Variants in CNP observed in about 807,000 individuals in gnomAD.
CNP encodes the protein 2',3'-cyclic nucleotide 3' phosphodiesterase, also known as 2',3'-cyclic-nucleotide 3'-phosphodiesterase.
Under a neutral mutation model 37.9 loss-of-function variants are expected in CNP, and 8 were observed. The ratio of observed to expected loss-of-function variants is 0.21; its 90% CI spans 0.12 to 0.38. The LOEUF (loss-of-function observed/expected upper bound fraction) is 0.38, where lower values mean the gene tolerates loss of function less well. Among genes scored for constraint, CNP ranks in the 10% least tolerant of loss-of-function variants. CNP has a pLI of 1.00. For synonymous variants in CNP, 237 were observed against 238.3 expected (o/e 0.99, Z 0.05); for missense variants, 457 against 551.0 (o/e 0.83, Z 1.71).
At position 41,973,612 on chromosome 17, in the gene CNP, A is replaced by G; in HGVS notation, c.954A>G (p.Ser318=). The G allele has an allele frequency of 6.2e-7, 1 of 1,614,136 alleles. No homozygotes were observed. Among genetic ancestry groups the G allele is most frequent in the African/African-American group, 1.3e-5 (1 of 75,054 alleles). The change falls in exon 4 of 4, where the codon TCA becomes TCG. Residue 318 remains serine, a synonymous_variant. Transcript: ENST00000393892. ...GGCCGAGTGATGTGGACAAGCTGTC[A>G]CCCACTGACAACCTGCCGCGGGGGA... The part of the protein sequence containing the change: ...QLWPSDVDKL[S]PTDNLPRGSR...
In CNP at chr17:41,975,748, T is replaced by C. The variant is rs1451294674; in HGVS notation, c.*1824T>C. Reference sequence around the variant, plus strand: ...AGATGAAGAGAAATCCTAAGTTACCTTTCTAGGTCAAGGCCTGTCCCTGGC... The same window carrying C: ...AGATGAAGAGAAATCCTAAGTTACCCTTCTAGGTCAAGGCCTGTCCCTGGC... On this transcript the variant is annotated 3_prime_UTR_variant, in exon 4 of 4. Coordinates refer to ENST00000393892, the MANE Select transcript of CNP (RefSeq NM_033133.5). 6.6e-6 allele frequency: 1 copy of C among 152,190 alleles called. No homozygotes were observed. The highest frequency in any genetic ancestry group is 6.5e-5 in the Admixed American group (1 of 15,284). 9.4% of individuals were successfully genotyped at this position (152,190 alleles called of 1,614,324 possible).
At position 41,977,105 on chromosome 17, in the gene CNP, C is replaced by T; in HGVS notation, c.*3181C>T. 1 of 798,854 alleles carries T rather than the reference C, an allele frequency of 1.3e-6. No homozygotes were observed. Among genetic ancestry groups the T allele is most frequent in the East Asian group, 2.7e-5 (1 of 37,346 alleles). 49.5% of individuals were successfully genotyped at this position (798,854 alleles called of 1,614,324 possible). The stretch of plus-strand genomic sequence containing the variant: ...GGGTGCCTGGGAACCTTCCTGTCTT[C>T]ATCCTTAGCAACAGCCGAGTGGATA... On this transcript the variant is annotated 3_prime_UTR_variant, in exon 4 of 4. Coordinates refer to ENST00000393892, the MANE Select transcript of CNP (RefSeq NM_033133.5).
rs1247105883 is a variant in CNP at position 41,975,650 on chromosome 17, C to T, written c.*1726C>T. 6.6e-6 allele frequency: 1 copy of T among 152,232 alleles called. No individual in the cohort carries two copies. Among genetic ancestry groups the T allele is most frequent in the Non-Finnish European group, 1.5e-5 (1 of 68,062 alleles). 9.4% of individuals were successfully genotyped at this position (152,232 alleles called of 1,614,324 possible). On this transcript the variant is annotated 3_prime_UTR_variant, in exon 4 of 4. Transcript: ENST00000393892. ...TCAGCCACATGGGAAACTTCCAAGA[C>T]CTGACTCAGGCATCATTCCACCATG...
In CNP at chr17:41,977,668, G is replaced by T; in HGVS notation, c.*3744G>T. 1 of 188,996 alleles carries T rather than the reference G, an allele frequency of 5.3e-6. No homozygotes were observed. Among genetic ancestry groups the T allele is most frequent in the Non-Finnish European group, 1.1e-5 (1 of 91,722 alleles). The allele number at this position is 188,996 out of a possible 1,614,324, so 11.7% of individuals were successfully genotyped here. ...CATACTCTGTCTCCCTATAATGCTG[G>T]AGCGGCTACTAAAAAGGATAAAATG... is the stretch of plus-strand genomic sequence containing the variant. On this transcript the variant is annotated 3_prime_UTR_variant, in exon 4 of 4. Transcript: ENST00000393892.
rs1555644905 is a variant in CNP, at chr17:41,976,786, G to C, written c.*2862G>C. On this transcript the variant is annotated 3_prime_UTR_variant, in exon 4 of 4. Transcript: ENST00000393892. ...GGACCAGATGCTGAAAGAGAAAAGAGGGGTTGGTAGTTGGCTATGGATTTT... is the reference window on the plus strand; with the variant it reads ...GGACCAGATGCTGAAAGAGAAAAGACGGGTTGGTAGTTGGCTATGGATTTT... 1.2e-6 allele frequency: 2 copies of C among 1,607,430 alleles called. No individual in the cohort carries two copies. The highest frequency in any genetic ancestry group is 1.8e-5 in the Admixed American group (1 of 56,768).
chr17:41,969,071 G>A (rs538030393), intron 2 of CNP, among the ~76,000 whole-genome samples: 1 of 152,242 alleles, frequency 6.6e-6, no homozygotes, highest in East Asian at 1.9e-4. Flanking sequence ...GTAGTAACAG[G>A]AAACATGTCC....
rs782096149 is a variant in CNP, at chr17:41,973,875, C to A, written c.1217C>A (p.Thr406Lys). Residue 406 changes from threonine to lysine, a missense_variant, in exon 4 of 4, where the codon ACG becomes AAG. Coordinates refer to ENST00000393892, the MANE Select transcript of CNP (RefSeq NM_033133.5). ...TACGGGAAAGGCAAACCTGTGCCCA[C>A]GCAAGGTAGCCGGAAGGGGGGCGCC... ...GYYGKGKPVP[T>K]QGSRKGGALQ... is the part of the protein sequence containing the mutation. The A allele has an allele frequency of 3.2e-6, 5 of 1,574,616 alleles. No homozygotes were observed. Among genetic ancestry groups the A allele is most frequent in the Non-Finnish European group, 4.3e-6 (5 of 1,158,590 alleles).
intron 2 of CNP, chr17:41,970,780 C>G (rs1380272124): frequency 6.6e-6 from 1 of 152,208 alleles, no homozygotes; most frequent in Non-Finnish European, 1.5e-5. Flanking sequence ...GCCTTCCTCC[C>G]CTGTGGAGGG....
In CNP at chr17:41,976,645, G is replaced by A. The variant is rs527995417; in HGVS notation, c.*2721G>A. On this transcript the variant is annotated 3_prime_UTR_variant, in exon 4 of 4. Coordinates refer to ENST00000393892, the MANE Select transcript of CNP (RefSeq NM_033133.5). ...GAAACTGCTCTAAGCACACGGAGACGTGATGAAGGGAGGAGGTGAACTGTT... is the reference window on the plus strand; with the variant it reads ...GAAACTGCTCTAAGCACACGGAGACATGATGAAGGGAGGAGGTGAACTGTT... 170 of 1,536,146 alleles carry A rather than the reference G, an allele frequency of 1.1e-4. No homozygotes were observed. The highest frequency in any genetic ancestry group is 5.7e-4 in the African/African-American group (41 of 71,946).
chr17:41,972,859 A>G (rs1159309515), intron 3 of CNP, among the ~76,000 whole-genome samples: 4 of 152,220 alleles, frequency 2.6e-5, no homozygotes, highest in African/African-American at 9.7e-5. Context: ...GTGAGCAAAA[A>G]TAGAAAAGCG....
At position 41,968,795 on chromosome 17, in the gene CNP, G is replaced by A. The variant is rs1598101295; in HGVS notation, c.676+55G>A. The A allele has an allele frequency of 6.6e-7, 1 of 1,519,046 alleles. No individual in the cohort carries two copies. The highest frequency in any genetic ancestry group is 8.8e-7 in the Non-Finnish European group (1 of 1,131,324). The allele number at this position is 1,519,046 out of a possible 1,614,324, so 94.1% of individuals were successfully genotyped here. A position where few individuals can be genotyped will look rare whatever the true frequency, so the allele number is the denominator to read the frequency against. On this transcript the variant is annotated intron_variant, in intron 2 of 3. Transcript: ENST00000393892. This position sits in a 1 kb window ranked among gnomAD's most constrained non-coding sequence, Gnocchi z 4.8. The stretch of plus-strand genomic sequence containing the variant: ...CACCTTGCTGGGCACAGGGTGCTGC[G>A]GGCAAAGGACCATCATTGTACTCAA...
chr17:41,968,151 G>C lies in CNP; in HGVS notation c.87G>C (p.Lys29Asn), dbSNP rs1555643198. 1 of 1,614,138 alleles carries C rather than the reference G, an allele frequency of 6.2e-7. No homozygotes were observed. The highest frequency in any genetic ancestry group is 8.5e-7 in the Non-Finnish European group (1 of 1,180,052). The part of the protein sequence containing the change: ...RKMSSSGAKD[K>N]PELQFPFLQD... The stretch of plus-strand genomic sequence containing the variant: ...TGTCATCCTCAGGGGCCAAGGACAA[G>C]CCTGAGCTGCAGTTTCCCTTCCTTC... The change falls in exon 2 of 4, where the codon AAG becomes AAC. Residue 29 changes from lysine to asparagine, a missense_variant. Transcript: ENST00000393892. This position sits in a 1 kb window ranked among gnomAD's most constrained non-coding sequence, Gnocchi z 4.8.
chr17:41,977,063 A>T lies in CNP; in HGVS notation c.*3139A>T. ...CTGACCCTGCAGAGATGCGGTGGCTAAAGGTCCCAAGGCAAGGGGTGCCTG... is the reference window on the plus strand; with the variant it reads ...CTGACCCTGCAGAGATGCGGTGGCTTAAGGTCCCAAGGCAAGGGGTGCCTG... On this transcript the variant is annotated 3_prime_UTR_variant, in exon 4 of 4. Coordinates refer to ENST00000393892, the MANE Select transcript of CNP (RefSeq NM_033133.5). 1.5e-6 allele frequency: 1 copy of T among 667,968 alleles called. No homozygotes were observed. Among genetic ancestry groups the T allele is most frequent in the Non-Finnish European group, 2.5e-6 (1 of 393,640 alleles). 41.4% of individuals were successfully genotyped at this position (667,968 alleles called of 1,614,324 possible). A position where few individuals can be genotyped will look rare whatever the true frequency, so the allele number is the denominator to read the frequency against.
intron 3 of CNP, 52 bp downstream of exon 3, chr17:41,972,083 G>T (rs1555643922): frequency 1.9e-6 from 3 of 1,597,430 alleles, no homozygotes; most frequent in Non-Finnish European, 2.6e-6. Flanking sequence ...GGGGAGAAGG[G>T]GCTGCAGCAT....
At position 41,974,081 on chromosome 17, in the gene CNP, C is replaced by T. The variant is rs2051036471; in HGVS notation, c.*157C>T. 2 of 618,630 alleles carry T rather than the reference C, an allele frequency of 3.2e-6. No individual in the cohort carries two copies. Among genetic ancestry groups the T allele is most frequent in the East Asian group, 3.2e-5 (1 of 30,886 alleles). The allele number at this position is 618,630 out of a possible 1,614,324, so 38.3% of individuals were successfully genotyped here. The stretch of plus-strand genomic sequence containing the variant: ...AAACTTGTAAAATAACTGACCCTCC[C>T]TTCCTGTCCGCCCTCTTCCCCTCTA... On this transcript the variant is annotated 3_prime_UTR_variant, in exon 4 of 4. Transcript: ENST00000393892.
intron 3 of CNP, 106 bp from the exon 4 acceptor site, chr17:41,973,367 TTC>T: frequency 1.9e-6 from 2 of 1,068,468 alleles, no homozygotes; most frequent in Admixed American, 4.1e-5. Context: ...CTGTGCTCAC[TTC>T]TGTTAGACTT....
rs1331910795 is a variant in CNP, at chr17:41,974,196, G to A, written c.*272G>A. ...CGAGGCTGGGCCAAGCCAGGGATGG[G>A]GCCACAGCCAGAACCCCGAGCCCTA... On this transcript the variant is annotated 3_prime_UTR_variant, in exon 4 of 4. Coordinates refer to ENST00000393892, the MANE Select transcript of CNP (RefSeq NM_033133.5). The A allele has an allele frequency of 1.4e-5, 4 of 278,078 alleles. No homozygotes were observed. The highest frequency in any genetic ancestry group is 6.6e-5 in the African/African-American group (3 of 45,598). 17.2% of individuals were successfully genotyped at this position (278,078 alleles called of 1,614,324 possible). A position where few individuals can be genotyped will look rare whatever the true frequency, so the allele number is the denominator to read the frequency against.
chr17:41,971,906 G>A lies in CNP; in HGVS notation c.691G>A (p.Glu231Lys), dbSNP rs782496835. The change falls in exon 3 of 4, where the codon GAG (glutamate) becomes AAG (lysine). Residue 231 changes from glutamate (E) to lysine (K), a missense_variant. Physicochemically the swap from Glu to Lys is moderately conservative, Grantham distance 56. Around this residue, in one of 2 missense-constraint regions of CNP, gnomAD observed 291 missense variants for 291.7 expected, o/e 1.00. Coordinates refer to ENST00000393892, the MANE Select transcript of CNP (RefSeq NM_033133.5). ...TCTCCCGGCAGTCGTCCCTGGGGAT[G>A]AGCCCAGGGAGAAGATGGACTTGGT... Reference protein sequence around the residue: ...KELRQFVPGDEPREKMDLVTY... With the variant: ...KELRQFVPGDKPREKMDLVTY... The A allele has an allele frequency of 8.7e-6, 14 of 1,613,694 alleles. No individual in the cohort carries two copies. Among genetic ancestry groups the A allele is most frequent in the Non-Finnish European group, 1.2e-5 (14 of 1,179,912 alleles).
Position 41,975,587 on chromosome 17 carries a change from C to T in CNP, c.*1663C>T, listed in dbSNP as rs1555644611. Reference sequence around the variant, plus strand: ...TGAAACTTCAAGCACCAGGGAAGATCTAACATTTGAGTCCCTTCCAGGCCA... The same window carrying T: ...TGAAACTTCAAGCACCAGGGAAGATTTAACATTTGAGTCCCTTCCAGGCCA... On this transcript the variant is annotated 3_prime_UTR_variant, in exon 4 of 4. Transcript: ENST00000393892. 1 of 152,240 alleles carries T rather than the reference C, an allele frequency of 6.6e-6. No homozygotes were observed. 9.4% of individuals were successfully genotyped at this position (152,240 alleles called of 1,614,324 possible). A position where few individuals can be genotyped will look rare whatever the true frequency, so the allele number is the denominator to read the frequency against.
Sources: gnomAD v4.1 joint callset for allele counts (sites outside exome capture counted in the v4.1 genomes callset) on GRCh38, gnomAD v4.1.1 for gene constraint, gnomAD v4.1.1 regional missense constraint, Gnocchi (gnomAD v3.1) non-coding constraint, MANE v1.5 for transcripts, NCBI Gene and HGNC (gene_info 2026-07-23, HGNC 2026-07-21) for gene names.